SYNRG: variants seen among roughly 807,000 people sequenced by gnomAD.
The protein encoded by SYNRG is synergin gamma.
Under a neutral mutation model 130.9 loss-of-function variants are expected in SYNRG, and 37 were observed. The ratio of observed to expected loss-of-function variants is 0.28; its 90% confidence interval spans 0.22 to 0.37. The LOEUF (loss-of-function observed/expected upper bound fraction) is 0.37. Ranked by LOEUF, SYNRG falls within the 10% of genes least tolerant of loss-of-function variation. The probability of loss-of-function intolerance (pLI) is 1.00; values close to 1 mark genes in which losing one functional copy is unlikely to be tolerated. For synonymous variants in SYNRG, 539 were observed against 568.1 expected (o/e 0.95, Z 0.73); for missense variants, 1,338 against 1,588.9 (o/e 0.84, Z 2.68).
chr17:37,560,470 G>C (rs150772740), intron 13 of SYNRG, among the ~76,000 whole-genome samples: 1,649 of 151,384 alleles, frequency 0.011, 26 homozygotes, highest in African/African-American at 0.038. Context: ...CTGAGCAGCT[G>C]GGACTACAGG....
rs12602776 is a variant in SYNRG at position 37,517,041 on chromosome 17, C to T, written c.*1899G>A. 39,595 of 152,054 alleles carry T rather than the reference C, an allele frequency of 0.26. 5,429 individuals are homozygous for T. Among genetic ancestry groups the T allele is most frequent in the Admixed American group, 0.4 (6,153 of 15,276 alleles). 9.4% of individuals were successfully genotyped at this position (152,054 alleles called of 1,614,324 possible). ...TCAAGCCTGGCCAACATGGAGAAAC[C>T]TTGCCTCTACTAAAAATACAAAATT... On this transcript the variant is annotated 3_prime_UTR_variant, in exon 22 of 22. Transcript: ENST00000612223.
Position 37,577,423 on chromosome 17 carries a change from C to A in SYNRG, c.780G>T (p.Glu260Asp). 6.2e-7 allele frequency: 1 copy of A among 1,614,168 alleles called. No homozygotes were observed. Among genetic ancestry groups the A allele is most frequent in the Non-Finnish European group, 8.5e-7 (1 of 1,180,040 alleles). The stretch of plus-strand genomic sequence containing the variant: ...GGTTTTGATCTGAAGTATTTTCTGC[C>A]TCTGCAGTGGTGGTACCACTTACAC... ...DGCVSGTTTA[E>D]AENTSDQNLS... The change falls in exon 7 of 22, where the codon GAG becomes GAT. Residue 260 changes from glutamate to aspartate, a missense_variant. Physicochemically the swap from Glu to Asp is conservative, Grantham distance 45. Around this residue, in one of 3 missense-constraint regions of SYNRG, gnomAD observed 1,146 missense variants for 1,342.3 expected, o/e 0.85. Transcript: ENST00000612223.
At chr17:37,594,812 G>T (rs538814744) in intron 3 of SYNRG, among the ~76,000 whole-genome samples, 1 of 151,984 alleles carries the variant, frequency 6.6e-6, no homozygotes, top group African/African-American at 2.4e-5. Context: ...GTTTACATTC[G>T]TCCTGGTATA....
rs150725714 is a variant in SYNRG, at chr17:37,553,559, C to T, written c.2164G>A (p.Val722Ile). ...YDALKEEASPVPLTSNVGSTV... is the reference protein window; with the variant it reads ...YDALKEEASPIPLTSNVGSTV... ...CTGCCCACGTTGCTGGTTAGAGGAA[C>T]AGGACTGGCTTCCTCTTTAAGGGCA... Residue 722 changes from valine to isoleucine, a missense_variant, in exon 14 of 22, where the codon GTT becomes ATT. By Grantham distance (29) the Val-to-Ile change is conservative. Coordinates refer to ENST00000612223, the MANE Select transcript of SYNRG (RefSeq NM_007247.6). The T allele has an allele frequency of 9.2e-5, 149 of 1,614,184 alleles. No individual in the cohort carries two copies. In the African/African-American group the frequency reaches 1.9e-3, roughly 21 times the overall value.
chr17:37,540,040 T>A (rs2057598401), intron 16 of SYNRG, among the ~76,000 whole-genome samples: 1 of 152,144 alleles, frequency 6.6e-6, no homozygotes, highest in Non-Finnish European at 1.5e-5. Context: ...AATAAAAAAT[T>A]CAGAATATTT....
chr17:37,577,325 C>T, intron 7 of SYNRG, 55 bp downstream of exon 7: 1 of 1,499,670 alleles, frequency 6.7e-7, no homozygotes, highest in Non-Finnish European at 9.3e-7. Flanking sequence ...AAGGTGTTAG[C>T]ATTTGAGCAA....
In SYNRG at chr17:37,520,345, G is replaced by A. The variant is rs548133823; in HGVS notation, c.3778-131C>T. 4.0e-4 allele frequency: 506 copies of A among 1,262,682 alleles called. 2 individuals are homozygous for A. In the African/African-American group the frequency reaches 6.6e-3, roughly 16 times the overall value. 78.2% of individuals were successfully genotyped at this position (1,262,682 alleles called of 1,614,324 possible). ...TGCACAGGGTGCTGCAGGCATGAGA[G>A]CCGCGTCCATTCCCTCCACAGCTCC... On this transcript the variant is annotated intron_variant, in intron 20 of 21. Transcript: ENST00000612223.
chr17:37,519,665 G>GA (rs202231684), intron 21 of SYNRG, among the ~76,000 whole-genome samples: 3,319 of 152,242 alleles, frequency 0.022, 50 homozygotes, highest in Non-Finnish European at 0.036. Flanking sequence ...GCCTCGAAAT[G>GA]AATGGGCATT....
At chr17:37,587,178 G>A (rs1024456350) in intron 3 of SYNRG, among the ~76,000 whole-genome samples, 19 of 152,030 alleles carry the variant, frequency 1.2e-4, no homozygotes, top group Admixed American at 6.6e-4. Context: ...ACAGGGTCTC[G>A]TTGTGTCACC....
Position 37,609,176 on chromosome 17 carries a change from C to G in SYNRG, c.77+103G>C, listed in dbSNP as rs149549933. 5.1e-5 allele frequency: 64 copies of G among 1,253,928 alleles called. No individual in the cohort carries two copies. In the East Asian group the frequency reaches 2.0e-3, roughly 39 times the overall value. 77.7% of individuals were successfully genotyped at this position (1,253,928 alleles called of 1,614,324 possible). ...ATGACCCTCCTCCCGCAGCCCAGTTCCAAGGAAAAGGATCAGGGCTGGAGA... is the reference window on the plus strand; with the variant it reads ...ATGACCCTCCTCCCGCAGCCCAGTTGCAAGGAAAAGGATCAGGGCTGGAGA... On this transcript the variant is annotated intron_variant, in intron 1 of 21. Coordinates refer to ENST00000612223, the MANE Select transcript of SYNRG (RefSeq NM_007247.6).
intron 3 of SYNRG, among the ~76,000 whole-genome samples, chr17:37,592,846 T>G (rs1202606415): frequency 6.6e-6 from 1 of 152,194 alleles, no homozygotes; most frequent in African/African-American, 2.4e-5. Flanking sequence ...ATCTCAGCTG[T>G]GCCAATGTCC....
intron 5 of SYNRG, 21 bp downstream of exon 5, chr17:37,585,304 A>G (rs1402018393): frequency 5.7e-6 from 9 of 1,590,176 alleles, no homozygotes; most frequent in Non-Finnish European, 7.7e-6. Flanking sequence ...TTCTGGGTGA[A>G]GAGAAGTATT....
chr17:37,608,308 C>A (rs987557932), intron 1 of SYNRG, among the ~76,000 whole-genome samples: 2 of 151,924 alleles, frequency 1.3e-5, no homozygotes, highest in African/African-American at 4.8e-5. Context: ...AAAAAAAAAA[C>A]CTAACACTTC....
intron 15 of SYNRG, chr17:37,541,130 C>A (rs991456689): frequency 1.0e-6 from 1 of 985,484 alleles, no homozygotes; most frequent in Non-Finnish European, 1.2e-6. Flanking sequence ...TCACTGGAGT[C>A]TGGAGAACAA....
At chr17:37,521,126 G>A (rs577377596) in intron 19 of SYNRG, among the ~76,000 whole-genome samples, 22 of 151,398 alleles carry the variant, frequency 1.5e-4, no homozygotes, top group African/African-American at 5.3e-4. Context: ...TCTGCCTCCC[G>A]GGTTCAAGCG....
intron 15 of SYNRG, chr17:37,541,249 C>G: frequency 1.0e-6 from 1 of 985,392 alleles, no homozygotes; most frequent in Non-Finnish European, 1.2e-6. Context: ...TTGAAATCAA[C>G]GACCCCTCCT....
At chr17:37,539,039 T>A (rs1034686) in intron 17 of SYNRG, 153 bp downstream of exon 17, 595,154 of 985,092 alleles carry the variant, frequency 0.6, 181,756 homozygotes, top group East Asian at 0.94. Flanking sequence ...AGCCTCACCT[T>A]AGATGCATGA....
At chr17:37,546,564 A>G (rs1473346126) in intron 14 of SYNRG, among the ~76,000 whole-genome samples, 3 of 152,182 alleles carry the variant, frequency 2.0e-5, no homozygotes, top group Non-Finnish European at 4.4e-5. Context: ...CATAACCTCT[A>G]TTCAAATCTC....
At position 37,542,169 on chromosome 17, in the gene SYNRG, G is replaced by T; in HGVS notation, c.3005C>A (p.Ala1002Asp). 1.2e-6 allele frequency: 2 copies of T among 1,614,188 alleles called. No individual in the cohort carries two copies. The highest frequency in any genetic ancestry group is 1.7e-6 in the Non-Finnish European group (2 of 1,180,028). The change falls in exon 15 of 22, where the codon GCC becomes GAC. Residue 1002 changes from alanine (A) to aspartate (D), a missense_variant. Around this residue, in one of 3 missense-constraint regions of SYNRG, gnomAD observed 1,146 missense variants for 1,342.3 expected, o/e 0.85. Coordinates refer to ENST00000612223, the MANE Select transcript of SYNRG (RefSeq NM_007247.6). Reference protein sequence around the residue: ...DLPTAERSQEATCPSPASSGA... With the variant: ...DLPTAERSQEDTCPSPASSGA... ...ACTGGACGCTGGGCTGGGACACGTG[G>T]CCTCCTGGCTCCGTTCAGCCGTAGG...
Sources: allele counts gnomAD v4.1 joint callset (sites outside exome capture counted in the v4.1 genomes callset), GRCh38; gene constraint gnomAD v4.1.1; regional missense constraint gnomAD v4.1.1; transcripts MANE v1.5; gene names NCBI Gene and HGNC (gene_info 2026-07-23, HGNC 2026-07-21).